The following TRIM8 variants were observed in gnomAD, a reference collection of about 807,000 sequenced individuals.
TRIM8 encodes E3 ubiquitin-protein ligase TRIM8.
Under a neutral mutation model 55.7 loss-of-function variants are expected in TRIM8, and 9 were observed. The ratio of observed to expected loss-of-function variants is 0.16; its 90% CI spans 0.10 to 0.28. The LOEUF (loss-of-function observed/expected upper bound fraction) is 0.28, where lower values mean the gene tolerates loss of function less well. TRIM8 is among the 10% of genes least tolerant of loss of function. TRIM8 has a pLI of 1.00. For synonymous variants in TRIM8, 335 were observed against 333.3 expected (o/e 1.01, Z -0.06); for missense variants, 556 against 736.4 (o/e 0.76, Z 2.83).
chr10:102,647,953 C>T (rs1475578954), intron 1 of TRIM8, among the ~76,000 whole-genome samples: 1 of 152,202 alleles, frequency 6.6e-6, no homozygotes, highest in Non-Finnish European at 1.5e-5. Context: ...CTCCATCCAT[C>T]CTGGGGAACT....
intron 2 of TRIM8, 65 bp from the exon 3 acceptor site, chr10:102,655,015 A>AG (rs927521842): frequency 1.2e-5 from 19 of 1,559,964 alleles, no homozygotes; most frequent in South Asian, 4.5e-5. Flanking sequence ...GAAGGGTAAG[A>AG]GGGGGGGAAA....
At position 102,645,211 on chromosome 10, in the gene TRIM8, GCACACACA is replaced by G. The variant is rs754322583; in HGVS notation, c.570+33_570+40del. On this transcript the variant is annotated intron_variant, in intron 1 of 5. Transcript: ENST00000643721. ...GGGCAAGTACCCTACGCGCGCGCGC[GCACACACA>G]CACACACAGACACACAGTCCCTTCC... is the stretch of plus-strand genomic sequence containing the variant. 191 of 1,408,564 alleles carry G rather than the reference GCACACACA, an allele frequency of 1.4e-4. 1 individual carries two copies. In the African/African-American group the frequency reaches 2.5e-3, roughly 18 times the overall value. 87.3% of individuals were successfully genotyped at this position (1,408,564 alleles called of 1,614,324 possible).
At chr10:102,650,183 A>T (rs2063972691) in intron 1 of TRIM8, among the ~76,000 whole-genome samples, 1 of 152,032 alleles carries the variant, frequency 6.6e-6, no homozygotes, top group Admixed American at 6.5e-5. Context: ...ATTAACTTTT[A>T]TACAGCCCAG....
chr10:102,646,462 C>T (rs1229733452), intron 1 of TRIM8, among the ~76,000 whole-genome samples: 1 of 152,102 alleles, frequency 6.6e-6, no homozygotes, highest in African/African-American at 2.4e-5. Flanking sequence ...TGTGGGGGGA[C>T]CAGTCAGAAT....
In TRIM8 at chr10:102,644,551, G is replaced by A; in HGVS notation, c.-67G>A. 1 of 1,511,920 alleles carries A rather than the reference G, an allele frequency of 6.6e-7. No individual in the cohort carries two copies. Among genetic ancestry groups the A allele is most frequent in the Admixed American group, 1.9e-5 (1 of 51,758 alleles). The allele number at this position is 1,511,920 out of a possible 1,614,324, so 93.7% of individuals were successfully genotyped here. On this transcript the variant is annotated 5_prime_UTR_variant, in exon 1 of 6. Coordinates refer to ENST00000643721, the MANE Select transcript of TRIM8 (RefSeq NM_030912.3). ...CTCGGGGCTCGGTGGGCCTACAGCGGCTCCGGACGGACCCCCGGGGCTGGG... is the reference window on the plus strand; with the variant it reads ...CTCGGGGCTCGGTGGGCCTACAGCGACTCCGGACGGACCCCCGGGGCTGGG...
rs928544185 is a variant in TRIM8, at chr10:102,656,022, G to A, written c.901-84G>A. ...CCACCCAGCCTGGGGGAGGCTCAGG[G>A]GGGGCAGCTTTTGTCTTCCCCTCTC... On this transcript the variant is annotated intron_variant, in intron 3 of 5. Transcript: ENST00000643721. This position sits in a 1 kb window ranked among gnomAD's most constrained non-coding sequence, Gnocchi z 4.6. 200 of 1,603,014 alleles carry A rather than the reference G, an allele frequency of 1.2e-4. 2 individuals carry two copies. The East Asian group carries it at 4.4e-3, about 35-fold the overall frequency.
Position 102,656,919 on chromosome 10 carries a change from C to T in TRIM8, c.1221C>T (p.Ser407=), listed in dbSNP as rs1267866919. Residue 407 remains serine, a synonymous_variant, in exon 6 of 6, where the codon AGC becomes AGT. Coordinates refer to ENST00000643721, the MANE Select transcript of TRIM8 (RefSeq NM_030912.3). The surrounding 1 kb of genome is among the most constrained non-coding windows in gnomAD (Gnocchi z 4.6). ...AGTACGGGGCGGCGGGCACAGCCAG[C>T]GGTGAGGGCCAGTCTGGGCAGCCCC... The part of the protein sequence containing the change: ...GGQYGAAGTA[S]GEGQSGQPLG... The T allele has an allele frequency of 3.1e-6, 5 of 1,601,568 alleles. No individual in the cohort carries two copies. The highest frequency in any genetic ancestry group is 1.3e-5 in the African/African-American group (1 of 74,656).
In TRIM8 at chr10:102,644,983, C is replaced by T. The variant is rs1367198885; in HGVS notation, c.366C>T (p.His122=). The T allele has an allele frequency of 6.3e-7, 1 of 1,598,674 alleles. No homozygotes were observed. Among genetic ancestry groups the T allele is most frequent in the Non-Finnish European group, 8.5e-7 (1 of 1,175,088 alleles). Residue 122 remains histidine (H), a synonymous_variant, in exon 1 of 6, where the codon CAC becomes CAT. Transcript: ENST00000643721. The stretch of plus-strand genomic sequence containing the variant: ...GCTGCCAGTCCCACGTGCAGACGCA[C>T]CTGCAGCAGCCCTCCACCGCCCGCG... ...APCCQSHVQT[H]LQQPSTARGH...
At chr10:102,655,947 C>T (rs955613261) in intron 3 of TRIM8, among the ~76,000 whole-genome samples, 159 bp from the exon 4 acceptor site, 2 of 152,164 alleles carry the variant, frequency 1.3e-5, no homozygotes, top group South Asian at 4.1e-4. Flanking sequence ...GCTCTTCTTC[C>T]GCAAATGGCC....
chr10:102,644,611 G>C lies in TRIM8; in HGVS notation c.-7G>C, dbSNP rs2063918138. The C allele has an allele frequency of 1.2e-6, 2 of 1,610,720 alleles. No individual in the cohort carries two copies. The highest frequency in any genetic ancestry group is 2.2e-5 in the East Asian group (1 of 44,768). On this transcript the variant is annotated 5_prime_UTR_variant, in exon 1 of 6. Coordinates refer to ENST00000643721, the MANE Select transcript of TRIM8 (RefSeq NM_030912.3). The stretch of plus-strand genomic sequence containing the variant: ...AGGCCTGCCCCGGCCCCCTGCCCGC[G>C]GCCGCCATGGCGGAGAATTGGAAGA...
chr10:102,644,560 G>C lies in TRIM8; in HGVS notation c.-58G>C. 1 of 1,549,154 alleles carries C rather than the reference G, an allele frequency of 6.5e-7. No homozygotes were observed. The highest frequency in any genetic ancestry group is 8.8e-7 in the Non-Finnish European group (1 of 1,142,602). On this transcript the variant is annotated 5_prime_UTR_variant, in exon 1 of 6. Coordinates refer to ENST00000643721, the MANE Select transcript of TRIM8 (RefSeq NM_030912.3). ...CGGTGGGCCTACAGCGGCTCCGGACGGACCCCCGGGGCTGGGGAGTCGGGG... is the reference window on the plus strand; with the variant it reads ...CGGTGGGCCTACAGCGGCTCCGGACCGACCCCCGGGGCTGGGGAGTCGGGG...
rs41300235 is a variant in TRIM8, at chr10:102,656,799, C to T, written c.1101C>T (p.Cys367=). 327 of 1,520,400 alleles carry T rather than the reference C, an allele frequency of 2.2e-4. No homozygotes were observed. Among genetic ancestry groups the T allele is most frequent in the Admixed American group, 2.9e-4 (13 of 44,874 alleles). The allele number at this position is 1,520,400 out of a possible 1,614,324, so 94.2% of individuals were successfully genotyped here. The change falls in exon 6 of 6, where the codon TGC becomes TGT. Residue 367 remains cysteine, a synonymous_variant. Transcript: ENST00000643721. This position sits in a 1 kb window ranked among gnomAD's most constrained non-coding sequence, Gnocchi z 4.6. ...PFLQSVPLYP[C]GVSSSGAEKR... ...TGCAGAGTGTCCCCCTGTACCCTTG[C>T]GGCGTGAGCAGCTCTGGGGCGGAAA... is the stretch of plus-strand genomic sequence containing the variant.
At chr10:102,654,901 G>C (rs903114385) in intron 2 of TRIM8, 153 bp downstream of exon 2, 2 of 918,404 alleles carry the variant, frequency 2.2e-6, no homozygotes, top group African/African-American at 3.3e-5. Flanking sequence ...CTGGTGCCAG[G>C]GGATGCTGGC....
At position 102,658,065 on chromosome 10, in the gene TRIM8, ATAATAT is replaced by A. The variant is rs1040228629; in HGVS notation, c.*717_*722del. On this transcript the variant is annotated 3_prime_UTR_variant, in exon 6 of 6. Coordinates refer to ENST00000643721, the MANE Select transcript of TRIM8 (RefSeq NM_030912.3). ...GTGACCACAGCAAAAGCAAATAATAATAATATTAATAATAATAAAGAGAAATAAAAT... is the reference window on the plus strand; with the variant it reads ...GTGACCACAGCAAAAGCAAATAATAATAATAATAATAAAGAGAAATAAAAT... 3.3e-5 allele frequency: 5 copies of A among 152,108 alleles called. No individual in the cohort carries two copies. The highest frequency in any genetic ancestry group is 4.8e-5 in the African/African-American group (2 of 41,382). 9.4% of individuals were successfully genotyped at this position (152,108 alleles called of 1,614,324 possible).
chr10:102,644,879 G>T lies in TRIM8; in HGVS notation c.262G>T (p.Ala88Ser), dbSNP rs756704330. The T allele has an allele frequency of 6.2e-7, 1 of 1,611,522 alleles. No homozygotes were observed. Among genetic ancestry groups the T allele is most frequent in the Admixed American group, 1.7e-5 (1 of 59,920 alleles). The change falls in exon 1 of 6, where the codon GCG (alanine) becomes TCG (serine). Residue 88 changes from alanine to serine, a missense_variant. Coordinates refer to ENST00000643721, the MANE Select transcript of TRIM8 (RefSeq NM_030912.3). Reference sequence around the variant, plus strand: ...TGCCCTGCACGTGGAGAAGCCGCCGGCGGCGCTGCACTGCGTGTTCTGCCG... The same window carrying T: ...TGCCCTGCACGTGGAGAAGCCGCCGTCGGCGCTGCACTGCGTGTTCTGCCG... ...FNALHVEKPPAALHCVFCRRG... is the reference protein window; with the variant it reads ...FNALHVEKPPSALHCVFCRRG...
At position 102,657,523 on chromosome 10, in the gene TRIM8, A is replaced by AT. The variant is rs59879602; in HGVS notation, c.*178dup. 4,821 of 843,334 alleles carry AT rather than the reference A, an allele frequency of 5.7e-3. 121 individuals are homozygous for AT. The African/African-American group carries it at 0.069, about 12-fold the overall frequency. 52.2% of individuals were successfully genotyped at this position (843,334 alleles called of 1,614,324 possible). On this transcript the variant is annotated 3_prime_UTR_variant, in exon 6 of 6. Coordinates refer to ENST00000643721, the MANE Select transcript of TRIM8 (RefSeq NM_030912.3). ...TGTTTTGGTTTTGGCTTTGTTTTTG[A>AT]TTTTTTTTTATTATGAATCTCCTGG...
chr10:102,657,334 A>G lies in TRIM8; in HGVS notation c.1636A>G (p.Lys546Glu). The change falls in exon 6 of 6, where the codon AAA (lysine) becomes GAA (glutamate). Residue 546 changes from lysine to glutamate, a missense_variant. Physicochemically the swap from Lys to Glu is moderately conservative, Grantham distance 56. Transcript: ENST00000643721. Reference sequence around the variant, plus strand: ...CAGGGTGTATGGGCAGCCGTCCACCAAACACTACGTGACGAGCTAACGCCA... The same window carrying G: ...CAGGGTGTATGGGCAGCCGTCCACCGAACACTACGTGACGAGCTAACGCCA... ...FYRVYGQPST[K>E]HYVTS 2 of 1,594,408 alleles carry G rather than the reference A, an allele frequency of 1.3e-6. No individual in the cohort carries two copies. The highest frequency in any genetic ancestry group is 1.7e-6 in the Non-Finnish European group (2 of 1,168,126).
Position 102,656,397 on chromosome 10 carries a change from G to C in TRIM8, c.1048+12G>C, listed in dbSNP as rs878908602. 2 of 1,605,330 alleles carry C rather than the reference G, an allele frequency of 1.2e-6. No homozygotes were observed. The highest frequency in any genetic ancestry group is 1.7e-6 in the Non-Finnish European group (2 of 1,175,330). Reference sequence around the variant, plus strand: ...GAAAATGCTAGAAGGTGAGGGTGGGGTGTTCCGCCGAAGGGAGACAGGGAC... The same window carrying C: ...GAAAATGCTAGAAGGTGAGGGTGGGCTGTTCCGCCGAAGGGAGACAGGGAC... On this transcript the variant is annotated intron_variant, in intron 5 of 5. Coordinates refer to ENST00000643721, the MANE Select transcript of TRIM8 (RefSeq NM_030912.3). This position sits in a 1 kb window ranked among gnomAD's most constrained non-coding sequence, Gnocchi z 4.6.
chr10:102,650,005 T>G (rs936169247), intron 1 of TRIM8, among the ~76,000 whole-genome samples: 1 of 152,140 alleles, frequency 6.6e-6, no homozygotes, highest in Non-Finnish European at 1.5e-5. Context: ...AGGAAGAGGC[T>G]GCCCAGCCCC....
Sources: allele counts gnomAD v4.1 joint callset (sites outside exome capture counted in the v4.1 genomes callset), GRCh38; gene constraint gnomAD v4.1.1; non-coding constraint Gnocchi (gnomAD v3.1); transcripts MANE v1.5; gene names NCBI Gene and HGNC (gene_info 2026-07-23, HGNC 2026-07-21).